SOX6: variants seen among roughly 807,000 people sequenced by gnomAD.
The protein encoded by SOX6 is transcription factor SOX-6.
SOX6 carries 11 observed loss-of-function variants against 97.8 expected under a neutral mutation model. The ratio of observed to expected loss-of-function variants is 0.11; its 90% confidence interval spans 0.07 to 0.19. The LOEUF is 0.19. SOX6 is among the 10% of genes least tolerant of loss of function. The probability of loss-of-function intolerance (pLI) is 1.00; values close to 1 mark genes in which losing one functional copy is unlikely to be tolerated. For missense variants in SOX6, 810 were observed against 1,039.5 expected, an observed-to-expected ratio of 0.78 and a Z score of 3.04; for synonymous variants, 360 against 371.4, an observed-to-expected ratio of 0.97 and a Z score of 0.35.
At chr11:16,510,073 T>C (rs1479268279) in intron 4 of SOX6, among the ~76,000 whole-genome samples, 1 of 152,012 alleles carries the variant, frequency 6.6e-6, no homozygotes, top group African/African-American at 2.4e-5. Context: ...ATGTGAAAGA[T>C]TTACCAATCT....
chr11:16,332,216 A>G (rs1480557366), intron 2 of SOX6, among the ~76,000 whole-genome samples: 1 of 152,182 alleles, frequency 6.6e-6, no homozygotes, highest in Admixed American at 6.6e-5. Context: ...TCAAGAGTAA[A>G]AGCTTTCTGA....
At chr11:15,985,190 G>A (rs1221406661) in intron 15 of SOX6, among the ~76,000 whole-genome samples, 1 of 152,042 alleles carries the variant, frequency 6.6e-6, no homozygotes, top group African/African-American at 2.4e-5. Flanking sequence ...ACAACTTTTT[G>A]TTCCACAGGG....
intron 13 of SOX6, among the ~76,000 whole-genome samples, chr11:16,009,580 G>A (rs753764384): frequency 2.6e-5 from 4 of 152,006 alleles, no homozygotes; most frequent in East Asian, 3.9e-4. Context: ...GAATTAGGAC[G>A]AGCCTCTCAA....
intron 7 of SOX6, among the ~76,000 whole-genome samples, chr11:16,110,951 T>C (rs1301198288): frequency 6.6e-6 from 1 of 152,220 alleles, no homozygotes; most frequent in Non-Finnish European, 1.5e-5. Flanking sequence ...ATCAGGTTAA[T>C]ATGTTAAAAA....
At chr11:16,564,843 C>T (rs1382439846) in intron 4 of SOX6, among the ~76,000 whole-genome samples, 1 of 151,830 alleles carries the variant, frequency 6.6e-6, no homozygotes, top group African/African-American at 2.4e-5. Flanking sequence ...ACACTAAATG[C>T]ATGCATAAGA....
intron 1 of SOX6, among the ~76,000 whole-genome samples, chr11:16,383,154 T>A (rs995928355): frequency 2.0e-5 from 3 of 151,942 alleles, no homozygotes; most frequent in African/African-American, 7.2e-5. Flanking sequence ...CTTTCCTTCA[T>A]AAAATGTTTA....
At chr11:16,371,390 C>T (rs902594311) in intron 1 of SOX6, among the ~76,000 whole-genome samples, 2 of 152,088 alleles carry the variant, frequency 1.3e-5, no homozygotes, top group African/African-American at 4.8e-5. Context: ...ACCCTGGGTG[C>T]TCCCTATCCC....
rs1565150445 is a variant in SOX6, at chr11:16,452,007, TAAATA to T, written c.-5+24303_-5+24307del. Among the ~76,000 whole-genome samples, 175 of 151,114 alleles carry T rather than the reference TAAATA, an allele frequency of 1.2e-3. 1 individual carries two copies. Among genetic ancestry groups the T allele is most frequent in the South Asian group, 7.7e-3 (37 of 4,790 alleles). On this transcript the variant is annotated intron_variant, in intron 1 of 15. Coordinates refer to the SOX6 transcript ENST00000396356. ...AAAAATAAATAAATAAATAAATAAA[TAAATA>T]AAATAAAATTTTAAAAAGCACGTTT...
At chr11:16,097,744 A>G (rs1848836414) in intron 7 of SOX6, 56 bp from the exon 8 acceptor site, 17 of 1,440,556 alleles carry the variant, frequency 1.2e-5, no homozygotes, top group Non-Finnish European at 1.7e-5. Flanking sequence ...ATTGCAGCAG[A>G]CAAGTACAAA....
chr11:16,224,039 C>G (rs1411259904), intron 4 of SOX6, among the ~76,000 whole-genome samples: 1 of 151,960 alleles, frequency 6.6e-6, no homozygotes, highest in Non-Finnish European at 1.5e-5. Context: ...CCTTTCCCTA[C>G]TCTAGGCTGT....
At chr11:16,372,833 A>G (rs1343117914) in intron 1 of SOX6, among the ~76,000 whole-genome samples, 3 of 152,122 alleles carry the variant, frequency 2.0e-5, no homozygotes, top group Admixed American at 2.0e-4. Context: ...ATCCTTAGAA[A>G]AAAAGTAAAA....
chr11:16,627,515 C>T (rs929985199), intron 3 of SOX6, among the ~76,000 whole-genome samples: 4 of 152,234 alleles, frequency 2.6e-5, no homozygotes, highest in Non-Finnish European at 5.9e-5. Context: ...GATGATATCT[C>T]ATTGTGGTTT....
chr11:16,413,880 C>G (rs1565137166), intron 1 of SOX6, among the ~76,000 whole-genome samples: 1 of 152,076 alleles, frequency 6.6e-6, no homozygotes, highest in Non-Finnish European at 1.5e-5. Context: ...CCATTAATAT[C>G]TTGGGTTGAG....
chr11:16,397,357 C>T (rs1205631774), intron 1 of SOX6: 1 of 151,930 alleles, frequency 6.6e-6, no homozygotes. Flanking sequence ...GTTCCAGCAG[C>T]TTGTAAATTC....
intron 13 of SOX6, among the ~76,000 whole-genome samples, chr11:15,996,469 A>G (rs1364915355): frequency 1.3e-5 from 2 of 152,080 alleles, no homozygotes; most frequent in Non-Finnish European, 2.9e-5. Context: ...TCTCTACAAA[A>G]GGTTAAAAAA....
At chr11:16,695,523 G>A (rs1848046987) in intron 3 of SOX6, among the ~76,000 whole-genome samples, 1 of 152,106 alleles carries the variant, frequency 6.6e-6, no homozygotes, top group African/African-American at 2.4e-5. Context: ...CTACCTGTTG[G>A]ATAAGTAACA....
rs562551658 is a variant in SOX6 at position 16,437,415 on chromosome 11, T to G, written c.-5+38900A>C. Among the ~76,000 whole-genome samples, 4 of 152,288 alleles carry G rather than the reference T, an allele frequency of 2.6e-5. No homozygotes were observed. In the South Asian group the frequency reaches 8.3e-4, roughly 32 times the overall value. ...CAACCCCACTAGATTGTGAGCTCCA[T>G]GACAGCAGAGATGTTTTATATACCT... On this transcript the variant is annotated intron_variant, in intron 1 of 15. Coordinates refer to the SOX6 transcript ENST00000396356.
chr11:16,222,302 C>A (rs1461350460), intron 4 of SOX6, among the ~76,000 whole-genome samples: 1 of 151,998 alleles, frequency 6.6e-6, no homozygotes, highest in Non-Finnish European at 1.5e-5. Flanking sequence ...AGCCCTGAAC[C>A]CCTGGGCTAA....
chr11:16,345,535 T>C (rs1328674468), intron 1 of SOX6, among the ~76,000 whole-genome samples: 1 of 152,004 alleles, frequency 6.6e-6, no homozygotes, highest in African/African-American at 2.4e-5. Flanking sequence ...GTCATAATTA[T>C]TTTACTCCAA....
Sources: gnomAD v4.1 joint callset for allele counts (sites outside exome capture counted in the v4.1 genomes callset) on GRCh38, gnomAD v4.1.1 for gene constraint, MANE v1.5 for transcripts, NCBI Gene and HGNC (gene_info 2026-07-23, HGNC 2026-07-21) for gene names.